GPR89B: variants seen among roughly 807,000 people sequenced by gnomAD.
GPR89B encodes golgi pH regulator B.
In GPR89B, 25 loss-of-function variants were observed where a neutral mutation model predicts 52.4. The ratio of observed to expected loss-of-function variants is 0.48; its 90% CI spans 0.35 to 0.67. The LOEUF is 0.67. GPR89B is among the 30% of genes least tolerant of loss of function. The pLI, the probability that GPR89B is intolerant of heterozygous loss-of-function variation, is 0.01. For missense variants in GPR89B, 146 were observed against 450.2 expected, an observed-to-expected ratio of 0.32 and a Z score of 6.11; for synonymous variants, 52 against 151.2, an observed-to-expected ratio of 0.34 and a Z score of 4.81.
At chr1:148,009,003 C>T in the GPR89B span, among the ~76,000 whole-genome samples, 2 of 152,128 alleles carry the variant, frequency 1.3e-5, no homozygotes, top group Non-Finnish European at 2.9e-5. Flanking sequence ...CCTTATTCTG[C>T]CCTTCATTTT....
At chr1:148,025,523 C>CAA in the GPR89B span, among the ~76,000 whole-genome samples, 608 of 29,648 alleles carry the variant, frequency 0.021, 62 homozygotes, top group South Asian at 0.025. Flanking sequence ...AACTCTGTCT[C>CAA]AAAAAAAAAA....
At chr1:147,928,689 C>T in intron 1 of GPR89B, 111 bp downstream of exon 1, 4 of 1,455,406 alleles carry the variant, frequency 2.7e-6, no homozygotes, top group Non-Finnish European at 3.8e-6. Flanking sequence ...TCTTACGCGG[C>T]CTGCGCCAGT....
intron 10 of GPR89B, among the ~76,000 whole-genome samples, chr1:147,976,043 G>A (rs1156800572): frequency 5.9e-5 from 9 of 152,230 alleles, no homozygotes. Flanking sequence ...CAGTTCTTTT[G>A]CATTTGCTGA....
intron 10 of GPR89B, among the ~76,000 whole-genome samples, chr1:147,972,616 AT>A (rs1473893144): frequency 2.7e-5 from 4 of 150,702 alleles, no homozygotes; most frequent in Admixed American, 6.6e-5. Flanking sequence ...TCCCACCCAT[AT>A]TTTTTTTGGA....
chr1:147,964,303 G>A (rs1482965855), intron 7 of GPR89B, among the ~76,000 whole-genome samples: 6 of 151,956 alleles, frequency 3.9e-5, no homozygotes, highest in Non-Finnish European at 7.3e-5. Context: ...GAAAATAGTT[G>A]ACTGACATTT....
chr1:147,959,341 C>G (rs1468648277), intron 7 of GPR89B, among the ~76,000 whole-genome samples: 2 of 151,994 alleles, frequency 1.3e-5, no homozygotes, highest in African/African-American at 4.8e-5. Flanking sequence ...CAGCCATTCT[C>G]AATAGAGGAA....
intron 1 of GPR89B, among the ~76,000 whole-genome samples, chr1:147,930,619 C>A (rs587733108): frequency 1.2e-3 from 182 of 152,090 alleles, no homozygotes; most frequent in Admixed American, 2.2e-3. Context: ...TGCGCCCCTC[C>A]CTGCTCATTT....
At chr1:147,974,882 G>C (rs1484383044) in intron 10 of GPR89B, among the ~76,000 whole-genome samples, 1 of 145,434 alleles carries the variant, frequency 6.9e-6, no homozygotes, top group Admixed American at 6.9e-5. Flanking sequence ...TAGCATGAAG[G>C]GATGTTGAAT....
the GPR89B span, among the ~76,000 whole-genome samples, chr1:148,002,682 G>A: frequency 6.6e-6 from 1 of 151,948 alleles, no homozygotes; most frequent in Admixed American, 6.6e-5. Flanking sequence ...ACTCCCCATT[G>A]TCTGATAAGC....
At chr1:148,015,292 G>GTTCTCT in the GPR89B span, among the ~76,000 whole-genome samples, 4 of 50,972 alleles carry the variant, frequency 7.8e-5, no homozygotes, top group Non-Finnish European at 1.5e-4. Flanking sequence ...AGGATTCTAG[G>GTTCTCT]ATCTCTCTCT....
chr1:147,954,994 A>G (rs2149061057), intron 7 of GPR89B, among the ~76,000 whole-genome samples: 1 of 152,060 alleles, frequency 6.6e-6, no homozygotes, highest in East Asian at 1.9e-4. Flanking sequence ...GTATGTTGCA[A>G]AGAAAAAAAA....
chr1:147,983,788 A>C (rs1251792491), intron 10 of GPR89B, among the ~76,000 whole-genome samples: 56 of 152,104 alleles, frequency 3.7e-4, no homozygotes, highest in Admixed American at 2.4e-3. Context: ...AGGGATCTAG[A>C]ACTAGAAATA....
At chr1:147,988,382 G>A (rs1331906163) in intron 11 of GPR89B, 50 bp from the exon 12 acceptor site, 17 of 1,551,362 alleles carry the variant, frequency 1.1e-5, no homozygotes, top group Admixed American at 3.3e-5. Context: ...TAGCCCTTAC[G>A]TCTCTCTGAA....
At chr1:148,009,631 C>T in the GPR89B span, 198 of 1,013,600 alleles carry the variant, frequency 2.0e-4, no homozygotes, top group Non-Finnish European at 2.6e-4. Flanking sequence ...TAATAACCCT[C>T]TGCCAACTGC....
intron 12 of GPR89B, among the ~76,000 whole-genome samples, chr1:147,989,730 C>T (rs1214729679): frequency 6.6e-6 from 1 of 152,088 alleles, no homozygotes; most frequent in Non-Finnish European, 1.5e-5. Context: ...TGGTTTCCAG[C>T]TTCATCCATG....
intron 7 of GPR89B, among the ~76,000 whole-genome samples, chr1:147,965,742 T>C (rs1656981865): frequency 6.6e-6 from 1 of 152,204 alleles, no homozygotes; most frequent in Non-Finnish European, 1.5e-5. Context: ...TATTTTTTTT[T>C]CCTTTTGTCT....
intron 1 of GPR89B, 83 bp downstream of exon 1, chr1:147,928,661 T>C (rs1653233457): frequency 2.5e-6 from 4 of 1,571,128 alleles, no homozygotes; most frequent in East Asian, 4.5e-5. Context: ...TGCGGGCTGG[T>C]CCGGGGTCTC....
chr1:147,992,389 A>G (rs1659132404), intron 12 of GPR89B, 113 bp from the exon 13 acceptor site: 1 of 780,496 alleles, frequency 1.3e-6, no homozygotes, highest in East Asian at 2.4e-5. Context: ...TGTTCTATAC[A>G]GGATTGTGGC....
chr1:147,949,935 C>T (rs1426510421), intron 5 of GPR89B, among the ~76,000 whole-genome samples: 2 of 139,780 alleles, frequency 1.4e-5, no homozygotes, highest in Non-Finnish European at 3.1e-5. Flanking sequence ...CTGACCCCCC[C>T]ACCTCCCTCC....
Sources: gnomAD v4.1 joint callset for allele counts (sites outside exome capture counted in the v4.1 genomes callset) on GRCh38, gnomAD v4.1.1 for gene constraint, MANE v1.5 for transcripts, NCBI Gene and HGNC (gene_info 2026-07-23, HGNC 2026-07-21) for gene names.